The following AFF2 variants were observed in gnomAD, a reference collection of about 807,000 sequenced individuals.
AFF2 encodes the protein AF4/FMR2 family member 2.
Under a neutral mutation model 76.9 loss-of-function variants are expected in AFF2, and 14 were observed. The ratio of observed to expected loss-of-function variants is 0.18; its 90% CI spans 0.12 to 0.28. The LOEUF (loss-of-function observed/expected upper bound fraction) is 0.28. Ranked by LOEUF, AFF2 falls within the 10% of genes least tolerant of loss-of-function variation. The probability of loss-of-function intolerance (pLI) is 1.00; values close to 1 mark genes in which losing one functional copy is unlikely to be tolerated. For synonymous variants in AFF2, 398 were observed against 366.7 expected, an observed-to-expected ratio of 1.09 and a Z score of -0.98; for missense variants, 868 against 1,001.1, an observed-to-expected ratio of 0.87 and a Z score of 1.79.
intron 1 of AFF2, among the ~76,000 whole-genome samples, chrX:148,538,423 G>A (rs782090714): frequency 4.5e-5 from 5 of 111,732 alleles, no homozygotes; most frequent in Non-Finnish European, 9.4e-5. Flanking sequence ...CGCACTTGAA[G>A]TATGAGGCTG....
chrX:148,579,834 G>A (rs1285325369), intron 1 of AFF2, among the ~76,000 whole-genome samples: 4 of 111,280 alleles, frequency 3.6e-5, no homozygotes, highest in Non-Finnish European at 7.5e-5. Flanking sequence ...AAAATATGAG[G>A]ATTTCTTTAG....
intron 1 of AFF2, among the ~76,000 whole-genome samples, chrX:148,577,849 C>T (rs1454384179): frequency 9.0e-6 from 1 of 111,455 alleles, no homozygotes; most frequent in Admixed American, 9.5e-5. Flanking sequence ...ATTACTGTGT[C>T]TCACTTGCAT....
chrX:148,588,273 C>T (rs1444586420), intron 1 of AFF2, among the ~76,000 whole-genome samples: 2 of 112,872 alleles, frequency 1.8e-5, no homozygotes, highest in African/African-American at 6.4e-5. Context: ...CAAAGTTACT[C>T]CTTGAAGTGA....
At chrX:148,575,649 T>C (rs1557243327) in intron 1 of AFF2, among the ~76,000 whole-genome samples, 1 of 110,405 alleles carries the variant, frequency 9.1e-6, no homozygotes, top group East Asian at 2.8e-4. Flanking sequence ...GAATTCAAAA[T>C]TAATGAAGCC....
At chrX:148,618,603 G>T (rs1603259997) in intron 1 of AFF2, among the ~76,000 whole-genome samples, 1 of 110,907 alleles carries the variant, frequency 9.0e-6, no homozygotes, top group African/African-American at 3.3e-5. Context: ...GAGATTGAAT[G>T]GATCTAATTT....
chrX:148,868,370 T>C (rs1336726018), intron 7 of AFF2, among the ~76,000 whole-genome samples: 3 of 111,895 alleles, frequency 2.7e-5, no homozygotes, highest in African/African-American at 9.7e-5. Context: ...AGAATCCTAA[T>C]TAGGGGAATT....
At chrX:148,534,544 C>T (rs782602201) in intron 1 of AFF2, among the ~76,000 whole-genome samples, 44 of 112,398 alleles carry the variant, frequency 3.9e-4, no homozygotes, top group African/African-American at 1.3e-3. Context: ...ATGGACATGT[C>T]ACATAGTTTT....
At chrX:148,614,747 TTTC>T (rs1569552174) in intron 1 of AFF2, among the ~76,000 whole-genome samples, 170 of 41,147 alleles carry the variant, frequency 4.1e-3, no homozygotes, top group Middle Eastern at 0.015. Flanking sequence ...CTTTTCTTTC[TTTC>T]TTTCTTTCTT....
At chrX:148,552,423 T>C (rs1265217301) in intron 1 of AFF2, among the ~76,000 whole-genome samples, 1 of 111,857 alleles carries the variant, frequency 8.9e-6, no homozygotes, top group Non-Finnish European at 1.9e-5. Context: ...CAGGTGAATG[T>C]TGGAACCCAA....
intron 7 of AFF2, among the ~76,000 whole-genome samples, chrX:148,852,751 C>T (rs1299247649): frequency 3.6e-5 from 4 of 111,560 alleles, no homozygotes; most frequent in South Asian, 3.8e-4. Flanking sequence ...CTATCTCCAT[C>T]GCCATCGTCA....
intron 8 of AFF2, among the ~76,000 whole-genome samples, chrX:148,891,354 T>C (rs1281770467): frequency 8.9e-6 from 1 of 111,979 alleles, no homozygotes; most frequent in Non-Finnish European, 1.9e-5. Flanking sequence ...TCAATTTTCA[T>C]TTACAGCTGA....
intron 1 of AFF2, among the ~76,000 whole-genome samples, chrX:148,523,095 T>C (rs2052619234): frequency 8.9e-6 from 1 of 112,309 alleles, no homozygotes; most frequent in South Asian, 3.7e-4. Flanking sequence ...TATGCATATA[T>C]ATCATCTTCA....
chrX:148,642,013 AC>A (rs1463611699), intron 1 of AFF2, among the ~76,000 whole-genome samples: 1 of 112,496 alleles, frequency 8.9e-6, no homozygotes, highest in Non-Finnish European at 1.9e-5. Context: ...TTAACTCACA[AC>A]AGGGTTACCC....
chrX:148,714,716 G>T (rs2055007698), intron 3 of AFF2, among the ~76,000 whole-genome samples: 1 of 111,582 alleles, frequency 9.0e-6, no homozygotes, highest in Non-Finnish European at 1.9e-5. Context: ...CTCCTAAGAT[G>T]TCGCCTCCAG....
At chrX:148,543,650 C>T (rs981404909) in intron 1 of AFF2, among the ~76,000 whole-genome samples, 9 of 111,603 alleles carry the variant, frequency 8.1e-5, no homozygotes, top group South Asian at 3.8e-4. Flanking sequence ...CCTAGTTCCT[C>T]GGGGAACATC....
chrX:148,934,048 A>G (rs1001267426), intron 9 of AFF2, among the ~76,000 whole-genome samples: 3 of 112,339 alleles, frequency 2.7e-5, no homozygotes, highest in Non-Finnish European at 5.6e-5. Flanking sequence ...TCACCCTCTC[A>G]TATCCGTGAA....
intron 3 of AFF2, among the ~76,000 whole-genome samples, chrX:148,694,175 C>CGGG (rs67194871): frequency 5.5e-5 from 4 of 72,830 alleles, no homozygotes; most frequent in Non-Finnish European, 1.0e-4. Context: ...GTTGTGGGGT[C>CGGG]GGGGGGGGGG....
Position 148,842,995 on chromosome X carries a change from C to T in AFF2, c.1203C>T (p.Thr401=), listed in dbSNP as rs1557274399. ...CGCAGCATCTGACCCCAGGATTCAC[C>T]TTACAAAGTAAGTGGTTTTGAAAAT... ...QESQHLTPGF[T]LQKWNDPTTR... Residue 401 remains threonine (T), a synonymous_variant, in exon 6 of 21, where the codon ACC becomes ACT. Coordinates refer to ENST00000370460, the MANE Select transcript of AFF2 (RefSeq NM_002025.4). 3 of 1,202,607 alleles carry T rather than the reference C, an allele frequency of 2.5e-6. No homozygotes were observed. Among genetic ancestry groups the T allele is most frequent in the Non-Finnish European group, 3.4e-6 (3 of 889,604 alleles).
intron 3 of AFF2, among the ~76,000 whole-genome samples, chrX:148,748,971 C>G (rs1362838055): frequency 1.8e-5 from 2 of 111,803 alleles, no homozygotes; most frequent in African/African-American, 6.5e-5. Flanking sequence ...CTTTAGTAGA[C>G]AGCTCATTAA....
Sources: gnomAD v4.1 joint callset for allele counts (sites outside exome capture counted in the v4.1 genomes callset) on GRCh38, gnomAD v4.1.1 for gene constraint, MANE v1.5 for transcripts, NCBI Gene and HGNC (gene_info 2026-07-23, HGNC 2026-07-21) for gene names.